RANBP2: variants seen among roughly 807,000 people sequenced by gnomAD.
RANBP2 encodes the protein RAN binding protein 2, also known as E3 SUMO-protein ligase RanBP2.
A neutral mutation model predicts 303.6 loss-of-function variants in RANBP2; 57 were observed. The ratio of observed to expected loss-of-function variants is 0.19; its 90% CI spans 0.15 to 0.23. RANBP2 has a LOEUF of 0.23. RANBP2 is among the 10% of genes least tolerant of loss of function. The pLI is 1.00. For synonymous variants in RANBP2, 1,167 were observed against 1,301.5 expected (o/e 0.90, Z 2.23); for missense variants, 3,138 against 3,780.8 (o/e 0.83, Z 4.46).
the RANBP2 span, among the ~76,000 whole-genome samples, chr2:109,044,228 A>C: frequency 5.9e-5 from 9 of 152,290 alleles, no homozygotes; most frequent in Admixed American, 5.9e-4. Context: ...AATTTTAAAA[A>C]ATAAAAGTAA....
At chr2:109,447,800 A>AT in the RANBP2 span, among the ~76,000 whole-genome samples, 1 of 152,196 alleles carries the variant, frequency 6.6e-6, no homozygotes, top group African/African-American at 2.4e-5. Context: ...ATCTTTTCAT[A>AT]TGGGAGATTT....
the RANBP2 span, among the ~76,000 whole-genome samples, chr2:109,638,382 A>T: frequency 2.0e-5 from 3 of 152,184 alleles, no homozygotes; most frequent in Non-Finnish European, 2.9e-5. Context: ...CGAAACTTTC[A>T]TTTTCATGTT....
At chr2:109,090,340 A>C in the RANBP2 span, among the ~76,000 whole-genome samples, 36 of 149,026 alleles carry the variant, frequency 2.4e-4, no homozygotes, top group South Asian at 2.1e-3. Context: ...ACACACACAC[A>C]CACACACACA....
the RANBP2 span, among the ~76,000 whole-genome samples, chr2:109,375,053 C>T: frequency 7.2e-5 from 11 of 152,184 alleles, no homozygotes; most frequent in Non-Finnish European, 1.2e-4. Context: ...AGGTGGACCC[C>T]GCCCTGGACA....
At chr2:109,048,439 A>G in the RANBP2 span, among the ~76,000 whole-genome samples, 2 of 152,156 alleles carry the variant, frequency 1.3e-5, no homozygotes, top group Non-Finnish European at 2.9e-5. Flanking sequence ...GTCTTTATCT[A>G]CATTATATTC....
At chr2:109,377,256 G>A in the RANBP2 span, among the ~76,000 whole-genome samples, 35 of 152,306 alleles carry the variant, frequency 2.3e-4, no homozygotes, top group Non-Finnish European at 4.1e-4. Flanking sequence ...CTGGACCTCC[G>A]TGGGCCAGCG....
At chr2:109,713,084 T>C in the RANBP2 span, among the ~76,000 whole-genome samples, 3 of 152,112 alleles carry the variant, frequency 2.0e-5, no homozygotes, top group African/African-American at 7.2e-5. Flanking sequence ...GCAGCCTTCC[T>C]CCACCTGGGT....
the RANBP2 span, among the ~76,000 whole-genome samples, chr2:109,513,142 C>T: frequency 1.3e-5 from 2 of 152,136 alleles, no homozygotes; most frequent in Admixed American, 6.5e-5. Flanking sequence ...CACAATGCCC[C>T]GACCTTCCAC....
the RANBP2 span, among the ~76,000 whole-genome samples, chr2:109,012,773 G>C: frequency 6.6e-6 from 1 of 152,166 alleles, no homozygotes; most frequent in Non-Finnish European, 1.5e-5. Context: ...AATTAGCCGG[G>C]CGTGTTGGCG....
chr2:108,827,843 T>TTA, the RANBP2 span, among the ~76,000 whole-genome samples: 2 of 151,338 alleles, frequency 1.3e-5, no homozygotes, highest in African/African-American at 4.9e-5. Context: ...TTAAAAAAAT[T>TTA]TAAAGATTAC....
At chr2:109,503,542 G>C in the RANBP2 span, 2 of 152,112 alleles carry the variant, frequency 1.3e-5, no homozygotes, top group African/African-American at 4.8e-5. Flanking sequence ...TGTGTGCCAG[G>C]TTAATGACAA....
chr2:109,712,305 G>A, the RANBP2 span, among the ~76,000 whole-genome samples: 3 of 152,200 alleles, frequency 2.0e-5, no homozygotes, highest in Non-Finnish European at 4.4e-5. Context: ...TTCTCAGGCT[G>A]ACACCAGAGC....
the RANBP2 span, among the ~76,000 whole-genome samples, chr2:109,497,708 G>A: frequency 7.2e-5 from 11 of 152,314 alleles, no homozygotes; most frequent in Non-Finnish European, 1.3e-4. Flanking sequence ...GGACAGAAAC[G>A]TTAAACACTT....
At chr2:109,180,367 A>G in the RANBP2 span, among the ~76,000 whole-genome samples, 3 of 152,194 alleles carry the variant, frequency 2.0e-5, no homozygotes, top group African/African-American at 7.2e-5. Context: ...GGACCATCTC[A>G]TTGGCTCAGG....
the RANBP2 span, among the ~76,000 whole-genome samples, chr2:109,389,698 T>C: frequency 6.6e-6 from 1 of 152,234 alleles, no homozygotes; most frequent in African/African-American, 2.4e-5. Context: ...CTATTTTATA[T>C]ATTTTTGGTA....
the RANBP2 span, among the ~76,000 whole-genome samples, chr2:109,385,485 A>G: frequency 6.6e-6 from 1 of 152,240 alleles, no homozygotes; most frequent in Non-Finnish European, 1.5e-5. Context: ...TCCTCTTGAA[A>G]ATACAATTTG....
At chr2:109,760,738 C>T in the RANBP2 span, among the ~76,000 whole-genome samples, 2 of 144,908 alleles carry the variant, frequency 1.4e-5, no homozygotes, top group South Asian at 4.4e-4. Context: ...TTCGACTTAG[C>T]CCTGCTCCAG....
At chr2:109,397,905 A>G in the RANBP2 span, among the ~76,000 whole-genome samples, 3 of 152,350 alleles carry the variant, frequency 2.0e-5, no homozygotes, top group African/African-American at 4.8e-5. Context: ...AACGCCTGCT[A>G]TCTTGTAGAA....
the RANBP2 span, chr2:109,371,783 G>A: frequency 1.3e-5 from 13 of 970,166 alleles, no homozygotes; most frequent in East Asian, 3.4e-4. Context: ...AAGAGAGAAA[G>A]AGGATCCTCC....
Sources: allele counts gnomAD v4.1 joint callset (sites outside exome capture counted in the v4.1 genomes callset), GRCh38; gene constraint gnomAD v4.1.1; transcripts MANE v1.5; gene names NCBI Gene and HGNC (gene_info 2026-07-23, HGNC 2026-07-21).